Variants in DNAJC27 observed in about 807,000 individuals in gnomAD.
DNAJC27 encodes the protein DnaJ heat shock protein family (Hsp40) member C27.
Under a neutral mutation model 31.4 loss-of-function variants are expected in DNAJC27, and 25 were observed. The observed-to-expected ratio is 0.80, with a 90% confidence interval of 0.58 to 1.11. The LOEUF (loss-of-function observed/expected upper bound fraction) is 1.11. Ranked by LOEUF, DNAJC27 falls within the 50% of genes most tolerant of loss-of-function variation. The pLI is 0.00. For missense variants in DNAJC27, 356 were observed against 347.3 expected (o/e 1.02, Z -0.20); for synonymous variants, 106 against 112.7 (o/e 0.94, Z 0.37).
chr2:24,961,132 T>C (rs1322684545), intron 3 of DNAJC27, among the ~76,000 whole-genome samples: 1 of 152,212 alleles, frequency 6.6e-6, no homozygotes, highest in African/African-American at 2.4e-5. Flanking sequence ...TATGAGCTGA[T>C]GCTCATTTGC....
chr2:24,964,408 T>TA (rs1322847743), intron 2 of DNAJC27, among the ~76,000 whole-genome samples: 1 of 132,812 alleles, frequency 7.5e-6, no homozygotes, highest in Non-Finnish European at 1.6e-5. Context: ...GGCGACTGAG[T>TA]AAGACTCCGT....
chr2:24,950,278 A>G (rs1430648496), intron 6 of DNAJC27, among the ~76,000 whole-genome samples: 1 of 152,088 alleles, frequency 6.6e-6, no homozygotes, highest in African/African-American at 2.4e-5. Flanking sequence ...AATGGAGAAG[A>G]GATGTGTAGT....
intron 1 of DNAJC27, among the ~76,000 whole-genome samples, chr2:24,968,057 G>C (rs1420092027): frequency 6.6e-6 from 1 of 150,710 alleles, no homozygotes; most frequent in Admixed American, 6.7e-5. Context: ...GTCTCAAAAA[G>C]AGAAAAAAAA....
intron 2 of DNAJC27, among the ~76,000 whole-genome samples, chr2:24,963,682 G>A (rs867268241): frequency 6.6e-6 from 1 of 152,154 alleles, no homozygotes; most frequent in Non-Finnish European, 1.5e-5. Context: ...GAACCCACAT[G>A]GAGTAGGCAT....
intron 5 of DNAJC27, among the ~76,000 whole-genome samples, chr2:24,952,288 A>G (rs1246044112): frequency 6.6e-6 from 1 of 152,200 alleles, no homozygotes; most frequent in Non-Finnish European, 1.5e-5. Context: ...ATTTACCATC[A>G]GTATGCCAGT....
At chr2:24,951,804 T>C (rs1034111387) in intron 5 of DNAJC27, among the ~76,000 whole-genome samples, 26 of 151,938 alleles carry the variant, frequency 1.7e-4, no homozygotes, top group African/African-American at 3.6e-4. Flanking sequence ...ATAACCACAA[T>C]TGAAGTTAAA....
chr2:24,970,460 CTTTTT>C (rs35742187), intron 1 of DNAJC27, among the ~76,000 whole-genome samples: 3 of 120,120 alleles, frequency 2.5e-5, no homozygotes, highest in African/African-American at 6.4e-5. Context: ...AGTAAAATTA[CTTTTT>C]TTTTTTTTTT....
chr2:24,952,920 A>G (rs1358265820), intron 5 of DNAJC27, among the ~76,000 whole-genome samples: 1 of 151,022 alleles, frequency 6.6e-6, no homozygotes, highest in Non-Finnish European at 1.5e-5. Context: ...CATTTTTACA[A>G]TTTTTTTTCT....
chr2:24,951,041 G>T (rs947210937), intron 6 of DNAJC27, among the ~76,000 whole-genome samples: 1 of 152,172 alleles, frequency 6.6e-6, no homozygotes, highest in African/African-American at 2.4e-5. Flanking sequence ...AAAATGAAAT[G>T]TTTGACAAGT....
chr2:24,957,842 C>CT lies in DNAJC27; in HGVS notation c.372_373insA (p.Glu125ArgfsTer13). 1 of 1,614,152 alleles carries CT rather than the reference C, an allele frequency of 6.2e-7. No homozygotes were observed. Among genetic ancestry groups the CT allele is most frequent in the South Asian group, 1.1e-5 (1 of 91,078 alleles). ...GCACAAACTACAAATATAATATTTT[C>CT]CATGTTTCCATGAGGTCCAAGCTCT... On this transcript the variant is annotated frameshift_variant, in exon 4 of 7. Transcript: ENST00000264711. LOFTEE classifies it high-confidence loss of function.
rs1665670497 is a variant in DNAJC27, at chr2:24,947,267, G to C, written c.*349C>G. On this transcript the variant is annotated 3_prime_UTR_variant, in exon 7 of 7. Transcript: ENST00000264711. ...TTCCGTAAAAAAGAAAAAGTGAAAG[G>C]GTCCTCTTGTCCTCTCTTCCCTCCT... 5.8e-6 allele frequency: 1 copy of C among 173,506 alleles called. No individual in the cohort carries two copies. 10.7% of individuals were successfully genotyped at this position (173,506 alleles called of 1,614,324 possible).
chr2:24,958,698 A>G, intron 3 of DNAJC27: 1 of 192,330 alleles, frequency 5.2e-6, no homozygotes, highest in Non-Finnish European at 1.1e-5. Flanking sequence ...CCTGAAAAAC[A>G]ATGTCTATTT....
At chr2:24,969,451 A>G in intron 1 of DNAJC27, 1 of 185,786 alleles carries the variant, frequency 5.4e-6, no homozygotes, top group Non-Finnish European at 1.1e-5. Flanking sequence ...GGAAACTGTG[A>G]ACGTTGAAAA....
chr2:24,955,324 A>T (rs1665879210), intron 5 of DNAJC27, among the ~76,000 whole-genome samples: 1 of 152,204 alleles, frequency 6.6e-6, no homozygotes, highest in South Asian at 2.1e-4. Flanking sequence ...GTAGATTGTC[A>T]GTGGTGAAGT....
intron 2 of DNAJC27, among the ~76,000 whole-genome samples, chr2:24,963,949 G>C (rs557048076): frequency 2.0e-5 from 3 of 152,252 alleles, no homozygotes; most frequent in African/African-American, 7.2e-5. Flanking sequence ...ATCTTTATTT[G>C]AGCAAGAGCA....
At chr2:24,961,255 T>C (rs554388838) in intron 3 of DNAJC27, among the ~76,000 whole-genome samples, 2 of 152,316 alleles carry the variant, frequency 1.3e-5, no homozygotes, top group East Asian at 3.9e-4. Context: ...CATAGTTTAC[T>C]GAATATTTTA....
chr2:24,948,403 A>G (rs563604816), intron 6 of DNAJC27, among the ~76,000 whole-genome samples: 2 of 152,326 alleles, frequency 1.3e-5, no homozygotes, highest in African/African-American at 2.4e-5. Flanking sequence ...GATGAGCTGA[A>G]TATCCAGGAG....
At chr2:24,952,437 A>G (rs569024640) in intron 5 of DNAJC27, among the ~76,000 whole-genome samples, 3 of 152,358 alleles carry the variant, frequency 2.0e-5, no homozygotes, top group African/African-American at 7.2e-5. Flanking sequence ...TTGTTCTTCT[A>G]AATGACTGTT....
intron 5 of DNAJC27, among the ~76,000 whole-genome samples, chr2:24,954,192 G>C (rs1332687959): frequency 6.6e-6 from 1 of 152,164 alleles, no homozygotes; most frequent in African/African-American, 2.4e-5. Flanking sequence ...CAAAGGCTGG[G>C]CTATATATGC....
Sources: gnomAD v4.1 joint callset for allele counts (sites outside exome capture counted in the v4.1 genomes callset) on GRCh38, gnomAD v4.1.1 for gene constraint, MANE v1.5 for transcripts, NCBI Gene and HGNC (gene_info 2026-07-23, HGNC 2026-07-21) for gene names.